Variants in ROBO2 observed in about 807,000 individuals in gnomAD.
ROBO2 encodes roundabout homolog 2.
Under a neutral mutation model 160.8 loss-of-function variants are expected in ROBO2, and 53 were observed. The ratio of observed to expected loss-of-function variants is 0.33; its 90% CI spans 0.26 to 0.41. ROBO2 has a LOEUF of 0.41. ROBO2 is among the 10% of genes least tolerant of loss of function. The pLI is 1.00. For synonymous variants in ROBO2, 664 were observed against 611.7 expected, an observed-to-expected ratio of 1.09 and a Z score of -1.26; for missense variants, 1,577 against 1,722.4, an observed-to-expected ratio of 0.92 and a Z score of 1.49.
At chr3:77,144,402 C>G (rs2076960222) in intron 2 of ROBO2, among the ~76,000 whole-genome samples, 1 of 152,166 alleles carries the variant, frequency 6.6e-6, no homozygotes, top group Non-Finnish European at 1.5e-5. Context: ...GACATCTCGA[C>G]TCTCTAACAA....
At chr3:76,372,523 A>G (rs886152061) in intron 2 of ROBO2, among the ~76,000 whole-genome samples, 5 of 151,978 alleles carry the variant, frequency 3.3e-5, no homozygotes, top group African/African-American at 4.8e-5. Flanking sequence ...TACCTTAACC[A>G]TGGGAACACA....
At chr3:77,582,688 T>G (rs576610881) in intron 16 of ROBO2, among the ~76,000 whole-genome samples, 12 of 152,266 alleles carry the variant, frequency 7.9e-5, no homozygotes, top group African/African-American at 2.4e-5. Flanking sequence ...TCATCTTTTT[T>G]TTGTTGTTGT....
At chr3:76,163,411 CGTG>C (rs1222367643) in intron 2 of ROBO2, among the ~76,000 whole-genome samples, 3 of 150,854 alleles carry the variant, frequency 2.0e-5, no homozygotes, top group Non-Finnish European at 4.4e-5. Flanking sequence ...GTTATTATAA[CGTG>C]GTATTGAAAT....
intron 2 of ROBO2, among the ~76,000 whole-genome samples, chr3:76,450,538 A>T (rs1483166992): frequency 6.6e-6 from 1 of 152,092 alleles, no homozygotes; most frequent in Admixed American, 6.6e-5. Flanking sequence ...CTAGTCACCA[A>T]CTCCTGCACT....
intron 2 of ROBO2, among the ~76,000 whole-genome samples, chr3:76,580,629 C>A (rs1256821282): frequency 2.0e-5 from 3 of 151,888 alleles, no homozygotes; most frequent in African/African-American, 7.3e-5. Flanking sequence ...ACCCTTTTAA[C>A]CCCCAAGAAT....
chr3:76,987,131 T>C (rs2060423587), intron 2 of ROBO2, among the ~76,000 whole-genome samples: 1 of 152,222 alleles, frequency 6.6e-6, no homozygotes, highest in Admixed American at 6.5e-5. Context: ...TACTTGAAAT[T>C]CCGTTGGGCA....
chr3:76,203,389 C>A (rs113630807), intron 2 of ROBO2, among the ~76,000 whole-genome samples: 2 of 151,646 alleles, frequency 1.3e-5, no homozygotes, highest in Non-Finnish European at 2.9e-5. Context: ...GTTCTAGTAA[C>A]CTGAGTGAGA....
intron 2 of ROBO2, among the ~76,000 whole-genome samples, chr3:77,285,588 A>G (rs1047147722): frequency 2.0e-5 from 3 of 152,150 alleles, no homozygotes; most frequent in South Asian, 2.1e-4. Flanking sequence ...TATAAATCCT[A>G]TGATCTCCAC....
In ROBO2 at chr3:77,289,317, T is replaced by A. The variant is rs147827673; in HGVS notation, c.389-188097T>A. On this transcript the variant is annotated intron_variant, in intron 2 of 25. Transcript: ENST00000461745. Reference sequence around the variant, plus strand: ...GACGGTTAAATGGGTAAGCTGAGGCTAGAGCACCAAAGACATAAAGTAAAA... The same window carrying A: ...GACGGTTAAATGGGTAAGCTGAGGCAAGAGCACCAAAGACATAAAGTAAAA... Among the ~76,000 whole-genome samples the A allele has an allele frequency of 3.8e-3, 571 of 152,228 alleles. 3 individuals carry two copies. Among genetic ancestry groups the A allele is most frequent in the Middle Eastern group, 0.024 (7 of 292 alleles).
At chr3:75,978,649 A>G (rs2065194995) in intron 2 of ROBO2, among the ~76,000 whole-genome samples, 1 of 151,602 alleles carries the variant, frequency 6.6e-6, no homozygotes, top group African/African-American at 2.4e-5. Flanking sequence ...AAGAGTTAAT[A>G]ATTGATCTGA....
At chr3:76,178,318 G>C (rs973017471) in intron 2 of ROBO2, among the ~76,000 whole-genome samples, 2 of 152,024 alleles carry the variant, frequency 1.3e-5, no homozygotes, top group African/African-American at 4.8e-5. Context: ...CAATGCTATA[G>C]GATAGTGAAT....
At chr3:76,764,320 T>C (rs1181237073) in intron 2 of ROBO2, among the ~76,000 whole-genome samples, 4 of 151,736 alleles carry the variant, frequency 2.6e-5, no homozygotes, top group Admixed American at 6.6e-5. Context: ...TGAGCATCCA[T>C]AGTTTGTTTA....
intron 2 of ROBO2, among the ~76,000 whole-genome samples, chr3:76,289,410 G>A (rs183358365): frequency 1.2e-4 from 18 of 152,128 alleles, no homozygotes; most frequent in Admixed American, 9.8e-4. Flanking sequence ...TGGATGCAGT[G>A]TGCAAATATT....
At chr3:76,115,092 G>A (rs923654262) in intron 2 of ROBO2, among the ~76,000 whole-genome samples, 1 of 152,020 alleles carries the variant, frequency 6.6e-6, no homozygotes, top group Non-Finnish European at 1.5e-5. Flanking sequence ...TGTTCTTATG[G>A]TTAGAACTCA....
intron 2 of ROBO2, among the ~76,000 whole-genome samples, chr3:76,523,950 G>A (rs566443515): frequency 6.6e-6 from 1 of 150,996 alleles, no homozygotes; most frequent in East Asian, 1.9e-4. Flanking sequence ...AAAATGGGGA[G>A]GAAGTGGTAA....
chr3:76,181,851 A>G (rs1701522984), intron 2 of ROBO2, among the ~76,000 whole-genome samples: 1 of 152,144 alleles, frequency 6.6e-6, no homozygotes, highest in Admixed American at 6.6e-5. Flanking sequence ...GTTCAACTCT[A>G]TAAAAAATCT....
At chr3:76,962,467 C>A (rs1001193704) in intron 2 of ROBO2, among the ~76,000 whole-genome samples, 1 of 151,696 alleles carries the variant, frequency 6.6e-6, no homozygotes, top group African/African-American at 2.4e-5. Context: ...GGAGAAAGCC[C>A]GTTTCTACTA....
chr3:76,996,387 A>T (rs2061008643), intron 2 of ROBO2, among the ~76,000 whole-genome samples: 1 of 152,174 alleles, frequency 6.6e-6, no homozygotes, highest in African/African-American at 2.4e-5. Flanking sequence ...AGGTAGCTTG[A>T]TGCCTCCAGC....
chr3:76,875,005 T>C (rs764542265), intron 2 of ROBO2, among the ~76,000 whole-genome samples: 1 of 152,306 alleles, frequency 6.6e-6, no homozygotes, highest in Non-Finnish European at 1.5e-5. Flanking sequence ...CCCTCCAAAA[T>C]TGATGTGTTG....
Sources: gnomAD v4.1 joint callset for allele counts (sites outside exome capture counted in the v4.1 genomes callset) on GRCh38, gnomAD v4.1.1 for gene constraint, MANE v1.5 for transcripts, NCBI Gene and HGNC (gene_info 2026-07-23, HGNC 2026-07-21) for gene names.